The following VPS13A variants were observed in gnomAD, a reference collection of about 807,000 sequenced individuals.
VPS13A encodes the protein intermembrane lipid transfer protein VPS13A.
Under a neutral mutation model 390.9 loss-of-function variants are expected in VPS13A, and 264 were observed. The ratio of observed to expected loss-of-function variants is 0.68; its 90% CI spans 0.61 to 0.75. The LOEUF is 0.75. Ranked by LOEUF, VPS13A falls within the 30% of genes least tolerant of loss-of-function variation. The pLI is 0.00. For missense variants in VPS13A, 3,409 were observed against 3,733.9 expected, an observed-to-expected ratio of 0.91 and a Z score of 2.27; for synonymous variants, 1,231 against 1,227.1, an observed-to-expected ratio of 1.00 and a Z score of -0.07.
At chr9:77,243,251 G>A (rs999610090) in intron 19 of VPS13A, among the ~76,000 whole-genome samples, 3 of 152,154 alleles carry the variant, frequency 2.0e-5, no homozygotes, top group Non-Finnish European at 2.9e-5. Flanking sequence ...AGATTTCTTC[G>A]GATATTGGAA....
chr9:77,321,120 G>T, intron 42 of VPS13A, 49 bp from the exon 43 acceptor site: 2 of 1,528,404 alleles, frequency 1.3e-6, no homozygotes, highest in Non-Finnish European at 1.8e-6. Flanking sequence ...GTCTAGTTAT[G>T]TTGTGTTCTT....
intron 23 of VPS13A, among the ~76,000 whole-genome samples, chr9:77,271,096 G>A (rs946679437): frequency 6.6e-6 from 1 of 152,088 alleles, no homozygotes; most frequent in African/African-American, 2.4e-5. Context: ...CCATCCACTT[G>A]GGAAAAATAG....
intron 34 of VPS13A, among the ~76,000 whole-genome samples, chr9:77,305,374 TA>T (rs1379435267): frequency 6.6e-6 from 1 of 152,222 alleles, no homozygotes; most frequent in Non-Finnish European, 1.5e-5. Flanking sequence ...TTAAGATAAA[TA>T]TTTGAAGTCT....
chr9:77,227,703 T>C (rs1330604620), intron 16 of VPS13A, among the ~76,000 whole-genome samples: 1 of 134,640 alleles, frequency 7.4e-6, no homozygotes. Context: ...TTTTTTTTTG[T>C]TTTTTTTTTT....
intron 23 of VPS13A, among the ~76,000 whole-genome samples, chr9:77,262,940 T>C (rs1205176889): frequency 1.3e-5 from 2 of 152,152 alleles, no homozygotes; most frequent in African/African-American, 4.8e-5. Context: ...ATCCTTTGGG[T>C]ATGTACCCAG....
At chr9:77,302,046 C>T (rs1453424323) in intron 33 of VPS13A, among the ~76,000 whole-genome samples, 4 of 151,990 alleles carry the variant, frequency 2.6e-5, no homozygotes, top group Admixed American at 2.6e-4. Context: ...CAACCTCCGC[C>T]TCCTGGGTTC....
At chr9:77,289,024 A>C (rs1374512364) in intron 31 of VPS13A, among the ~76,000 whole-genome samples, 1 of 152,100 alleles carries the variant, frequency 6.6e-6, no homozygotes, top group Non-Finnish European at 1.5e-5. Context: ...TAGCCATTCC[A>C]GGTTTCTTCG....
At chr9:77,401,172 A>G (rs958042126) in intron 68 of VPS13A, among the ~76,000 whole-genome samples, 7 of 152,192 alleles carry the variant, frequency 4.6e-5, no homozygotes, top group Non-Finnish European at 7.4e-5. Flanking sequence ...TATAAATTGC[A>G]TTAATGTCTT....
At chr9:77,345,547 G>T (rs1831102895) in intron 52 of VPS13A, among the ~76,000 whole-genome samples, 1 of 151,986 alleles carries the variant, frequency 6.6e-6, no homozygotes, top group Non-Finnish European at 1.5e-5. Context: ...CTGTCTTGGG[G>T]AAAGGACTGC....
Position 77,177,654 on chromosome 9 carries a change from C to A in VPS13A, c.-51C>A, listed in dbSNP as rs1413651106. On this transcript the variant is annotated 5_prime_UTR_variant, in exon 1 of 72. Transcript: ENST00000360280. ...CGAGGGAGGGGCGTGGGGAAGGCGG[C>A]GGGAGGAGGAGCGCACGGGCCGGCT... 2 of 1,541,126 alleles carry A rather than the reference C, an allele frequency of 1.3e-6. No individual in the cohort carries two copies. Among genetic ancestry groups the A allele is most frequent in the South Asian group, 2.2e-5 (2 of 89,508 alleles).
chr9:77,282,761 A>G (rs1381092242), intron 29 of VPS13A, among the ~76,000 whole-genome samples: 2 of 152,074 alleles, frequency 1.3e-5, no homozygotes, highest in South Asian at 2.1e-4. Context: ...TAGCCTGGGC[A>G]ACATAGCAAG....
At chr9:77,316,748 G>C (rs529447298) in intron 39 of VPS13A, among the ~76,000 whole-genome samples, 17 of 152,014 alleles carry the variant, frequency 1.1e-4, no homozygotes, top group South Asian at 1.0e-3. Context: ...TTGCTGTGTT[G>C]TTTCAATTTT....
chr9:77,324,417 T>A (rs1410217799), intron 45 of VPS13A, among the ~76,000 whole-genome samples: 1 of 152,192 alleles, frequency 6.6e-6, no homozygotes, highest in Non-Finnish European at 1.5e-5. Flanking sequence ...GTTGTAAACG[T>A]TCCCTTCTAT....
intron 2 of VPS13A, among the ~76,000 whole-genome samples, chr9:77,201,000 C>A (rs143604892): frequency 6.6e-6 from 1 of 151,962 alleles, no homozygotes; most frequent in Non-Finnish European, 1.5e-5. Context: ...TTTTACAAAA[C>A]GCGTATTTTG....
At chr9:77,335,823 T>C (rs1218755338) in intron 46 of VPS13A, among the ~76,000 whole-genome samples, 1 of 152,110 alleles carries the variant, frequency 6.6e-6, no homozygotes, top group Non-Finnish European at 1.5e-5. Flanking sequence ...GAACCAGAAA[T>C]ACCATTTGAC....
At chr9:77,273,405 A>G (rs778887766) in intron 24 of VPS13A, 41 bp downstream of exon 24, 9 of 1,490,872 alleles carry the variant, frequency 6.0e-6, no homozygotes, top group Non-Finnish European at 8.2e-6. Flanking sequence ...TTATTTTATT[A>G]AAATAATTTC....
At chr9:77,235,347 T>A (rs1587387081) in intron 17 of VPS13A, among the ~76,000 whole-genome samples, 1 of 152,214 alleles carries the variant, frequency 6.6e-6, no homozygotes, top group Admixed American at 6.5e-5. Flanking sequence ...TTTTTTCATT[T>A]AGTGCTTTAA....
At chr9:77,327,162 G>A (rs77861699) in intron 45 of VPS13A, among the ~76,000 whole-genome samples, 253 of 152,170 alleles carry the variant, frequency 1.7e-3, no homozygotes, top group South Asian at 8.5e-3. Context: ...GCCCCGTATC[G>A]GAAACTGTGG....
intron 54 of VPS13A, among the ~76,000 whole-genome samples, chr9:77,354,379 G>T (rs2131548275): frequency 6.6e-6 from 1 of 151,928 alleles, no homozygotes; most frequent in South Asian, 2.1e-4. Context: ...ATATTCTTAA[G>T]AATTTTTATT....
Sources: allele counts gnomAD v4.1 joint callset (sites outside exome capture counted in the v4.1 genomes callset), GRCh38; gene constraint gnomAD v4.1.1; transcripts MANE v1.5; gene names NCBI Gene and HGNC (gene_info 2026-07-23, HGNC 2026-07-21).